Variants in PTPN3 observed in about 807,000 individuals in gnomAD.
PTPN3 encodes tyrosine-protein phosphatase non-receptor type 3.
Under a neutral mutation model 132.7 loss-of-function variants are expected in PTPN3, and 96 were observed. The ratio of observed to expected loss-of-function variants is 0.72; its 90% confidence interval spans 0.61 to 0.86. PTPN3 has a LOEUF of 0.86. Ranked by LOEUF, PTPN3 falls within the 40% of genes least tolerant of loss-of-function variation. The probability of loss-of-function intolerance (pLI) is 0.00; values close to 1 mark genes in which losing one functional copy is unlikely to be tolerated. For missense variants in PTPN3, 1,125 were observed against 1,159.6 expected, an observed-to-expected ratio of 0.97 and a Z score of 0.43; for synonymous variants, 398 against 429.0, an observed-to-expected ratio of 0.93 and a Z score of 0.89.
chr9:109,414,841 A>T (rs1365450621), intron 14 of PTPN3, among the ~76,000 whole-genome samples: 2 of 152,218 alleles, frequency 1.3e-5, no homozygotes, highest in African/African-American at 4.8e-5. Context: ...AGTCCTGCTC[A>T]CAGGTGACAG....
At chr9:109,449,914 C>T (rs931666912) in intron 5 of PTPN3, 18 of 985,236 alleles carry the variant, frequency 1.8e-5, no homozygotes, top group East Asian at 2.3e-4. Context: ...TGCACAGTTC[C>T]GGGCTTTGTA....
chr9:109,442,951 T>C (rs1844596466), intron 7 of PTPN3, among the ~76,000 whole-genome samples: 1 of 152,194 alleles, frequency 6.6e-6, no homozygotes, highest in Admixed American at 6.5e-5. Flanking sequence ...CTTCACATTA[T>C]TGCTTAATTT....
chr9:109,533,788 C>A, the PTPN3 span: 1 of 1,184,800 alleles, frequency 8.4e-7, no homozygotes, highest in East Asian at 2.3e-5. Context: ...GTGGTTGAGC[C>A]TGGCCTTGGG....
At chr9:109,422,308 C>A (rs1842935847) in intron 13 of PTPN3, among the ~76,000 whole-genome samples, 1 of 152,194 alleles carries the variant, frequency 6.6e-6, no homozygotes, top group Non-Finnish European at 1.5e-5. Flanking sequence ...ATCCTTACAT[C>A]ATTTACATCA....
intron 5 of PTPN3, among the ~76,000 whole-genome samples, chr9:109,452,367 A>G (rs750690403): frequency 6.6e-6 from 1 of 152,082 alleles, no homozygotes. Flanking sequence ...AGTAATTTAT[A>G]TATGTGTACT....
chr9:109,530,037 C>A, the PTPN3 span, among the ~76,000 whole-genome samples: 2 of 152,276 alleles, frequency 1.3e-5, no homozygotes, highest in South Asian at 4.2e-4. Context: ...GTGCGAGCCA[C>A]CATGTCTAGC....
chr9:109,508,655 T>C, the PTPN3 span, among the ~76,000 whole-genome samples: 1 of 152,242 alleles, frequency 6.6e-6, no homozygotes, highest in Non-Finnish European at 1.5e-5. Context: ...GGTGATGTTG[T>C]ATCTAAAGGT....
chr9:109,441,814 T>C (rs1417153360), intron 7 of PTPN3, among the ~76,000 whole-genome samples: 1 of 151,976 alleles, frequency 6.6e-6, no homozygotes, highest in Non-Finnish European at 1.5e-5. Flanking sequence ...TGATCATGGC[T>C]CACTGCAGTC....
At chr9:109,391,013 G>A in intron 21 of PTPN3, 125 bp downstream of exon 21, 1 of 803,714 alleles carries the variant, frequency 1.2e-6, no homozygotes, top group East Asian at 2.7e-5. Flanking sequence ...CATGGCTGTT[G>A]TGGTGCTGAA....
Position 109,392,182 on chromosome 9 carries a change from C to T in PTPN3, c.1954-621G>A, listed in dbSNP as rs779494590. 5.4e-4 allele frequency among the ~76,000 whole-genome samples: 82 copies of T among 152,166 alleles called. 1 individual carries two copies. The highest frequency in any genetic ancestry group is 2.9e-3 in the Admixed American group (44 of 15,278). ...ATCTGATGTGATTTTCACAACAGCCCTGTAAGAGATATTAATTGTATTCTT... is the reference window on the plus strand; with the variant it reads ...ATCTGATGTGATTTTCACAACAGCCTTGTAAGAGATATTAATTGTATTCTT... On this transcript the variant is annotated intron_variant, in intron 19 of 25. Coordinates refer to ENST00000374541, the MANE Select transcript of PTPN3 (RefSeq NM_002829.4).
chr9:109,482,929 C>T (rs1847027419), intron 1 of PTPN3, among the ~76,000 whole-genome samples: 1 of 152,244 alleles, frequency 6.6e-6, no homozygotes, highest in Non-Finnish European at 1.5e-5. Flanking sequence ...CTGTGGGCTG[C>T]TCTAGACACT....
At chr9:109,535,835 C>T in the PTPN3 span, among the ~76,000 whole-genome samples, 3 of 152,170 alleles carry the variant, frequency 2.0e-5, no homozygotes, top group Non-Finnish European at 4.4e-5. Context: ...CTTCTGCTTC[C>T]TCTTTTTCTT....
upstream of PTPN3, chr9:109,498,346 C>G (rs1158642489): frequency 6.8e-6 from 1 of 146,350 alleles, no homozygotes; most frequent in African/African-American, 2.5e-5. The surrounding 1 kb of genome is among the most constrained non-coding windows in gnomAD (Gnocchi z 4.2). Context: ...TTCCCGCCGG[C>G]CGGGCTGGCC....
At chr9:109,480,152 C>T (rs1846892085) in intron 1 of PTPN3, among the ~76,000 whole-genome samples, 1 of 151,962 alleles carries the variant, frequency 6.6e-6, no homozygotes. Flanking sequence ...AGTCTTCTGC[C>T]CATTTTTAAA....
At chr9:109,500,931 TAA>T (rs1193698517), upstream of PTPN3, among the ~76,000 whole-genome samples, 28 of 115,522 alleles carry the variant, frequency 2.4e-4, no homozygotes, top group Non-Finnish European at 2.6e-4. Context: ...CTGTCTCAAA[TAA>T]AAAAAAAAAA....
At chr9:109,455,547 C>T (rs190900007) in intron 4 of PTPN3, among the ~76,000 whole-genome samples, 54 of 152,344 alleles carry the variant, frequency 3.5e-4, no homozygotes, top group Admixed American at 5.9e-4. Context: ...GAATCCCTAA[C>T]GGGGGTGTGC....
intron 5 of PTPN3, chr9:109,449,188 C>T: frequency 9.1e-7 from 1 of 1,102,738 alleles, no homozygotes; most frequent in Non-Finnish European, 1.1e-6. Flanking sequence ...GTGAGCGCCC[C>T]TGCCCTTGAG....
intron 5 of PTPN3, chr9:109,449,685 C>T (rs752654941): frequency 9.1e-6 from 9 of 985,404 alleles, no homozygotes; most frequent in Non-Finnish European, 1.1e-5. Context: ...TTTTTTAAAC[C>T]CAGATTCAAA....
At chr9:109,408,542 C>T (rs759023227) in intron 16 of PTPN3, among the ~76,000 whole-genome samples, 165 bp from the exon 17 acceptor site, 31 of 151,972 alleles carry the variant, frequency 2.0e-4, no homozygotes, top group Admixed American at 4.6e-4. Context: ...TCGAATCACA[C>T]GTCATTTCAG....
Sources: gnomAD v4.1 joint callset for allele counts (sites outside exome capture counted in the v4.1 genomes callset) on GRCh38, gnomAD v4.1.1 for gene constraint, Gnocchi (gnomAD v3.1) non-coding constraint, MANE v1.5 for transcripts, NCBI Gene and HGNC (gene_info 2026-07-23, HGNC 2026-07-21) for gene names.